Variants in UGT8 observed in about 807,000 individuals in gnomAD.
The protein encoded by UGT8 is 2-hydroxyacylsphingosine 1-beta-galactosyltransferase.
A neutral mutation model predicts 40.5 loss-of-function variants in UGT8; 12 were observed. That is an observed-to-expected ratio of 0.30 (90% CI 0.19 to 0.48). The LOEUF is 0.48. Ranked by LOEUF, UGT8 falls within the 20% of genes least tolerant of loss-of-function variation. The pLI, the probability that UGT8 is intolerant of heterozygous loss-of-function variation, is 0.99. For synonymous variants in UGT8, 224 were observed against 240.4 expected (o/e 0.93, Z 0.63); for missense variants, 513 against 648.7 (o/e 0.79, Z 2.27).
intron 2 of UGT8, among the ~76,000 whole-genome samples, chr4:114,629,027 G>T (rs747258866): frequency 6.6e-6 from 1 of 151,976 alleles, no homozygotes; most frequent in Non-Finnish European, 1.5e-5. Flanking sequence ...ATTGAAAGCT[G>T]GTTTCACCAT....
intron 1 of UGT8, among the ~76,000 whole-genome samples, chr4:114,616,300 C>T (rs568638508): frequency 8.5e-5 from 13 of 152,296 alleles, no homozygotes; most frequent in South Asian, 4.2e-4. Context: ...TCGGCAGTGG[C>T]GGGCGCCCCT....
intron 2 of UGT8, among the ~76,000 whole-genome samples, chr4:114,626,026 C>T (rs1178257507): frequency 6.6e-6 from 1 of 152,048 alleles, no homozygotes; most frequent in Non-Finnish European, 1.5e-5. Context: ...AGTATGTGGA[C>T]ATAGATAAGT....
chr4:114,655,319 T>G (rs556092492), intron 2 of UGT8, among the ~76,000 whole-genome samples: 1 of 152,148 alleles, frequency 6.6e-6, no homozygotes, highest in East Asian at 1.9e-4. Context: ...TTGCAGACCA[T>G]GGATGCATCT....
Position 114,677,413 on chromosome 4 carries a change from G to T in UGT8, c.*1125G>T, listed in dbSNP as rs1735725256. The T allele has an allele frequency of 1.3e-5, 2 of 152,268 alleles. No individual in the cohort carries two copies. Among genetic ancestry groups the T allele is most frequent in the South Asian group, 4.2e-4 (2 of 4,814 alleles). 9.4% of individuals were successfully genotyped at this position (152,268 alleles called of 1,614,324 possible). Reference sequence around the variant, plus strand: ...GTACCTGCTTTTTCTGGAGAGGTTTGAGATCTTGTTAACAAATCAGACTTT... The same window carrying T: ...GTACCTGCTTTTTCTGGAGAGGTTTTAGATCTTGTTAACAAATCAGACTTT... On this transcript the variant is annotated 3_prime_UTR_variant, in exon 6 of 6. Transcript: ENST00000310836.
intron 2 of UGT8, among the ~76,000 whole-genome samples, chr4:114,638,547 T>C (rs921720057): frequency 1.3e-5 from 2 of 152,178 alleles, no homozygotes; most frequent in Non-Finnish European, 2.9e-5. Flanking sequence ...TCCTTGCTCA[T>C]TTCATTTCTT....
intron 5 of UGT8, among the ~76,000 whole-genome samples, chr4:114,669,874 T>C (rs918395261): frequency 3.3e-5 from 5 of 152,306 alleles, no homozygotes; most frequent in East Asian, 1.9e-4. Flanking sequence ...ATGCCAGTGA[T>C]TTGTGTAGCA....
chr4:114,674,058 T>A (rs2126140720), intron 5 of UGT8, among the ~76,000 whole-genome samples: 1 of 152,314 alleles, frequency 6.6e-6, no homozygotes, highest in Admixed American at 6.5e-5. Flanking sequence ...TGCCTCTCAA[T>A]TTTTTTGCAT....
chr4:114,648,686 G>A (rs1733726974), intron 2 of UGT8, among the ~76,000 whole-genome samples: 1 of 152,104 alleles, frequency 6.6e-6, no homozygotes, highest in South Asian at 2.1e-4. Context: ...ACTACAAAGT[G>A]TTTACCAGTT....
chr4:114,646,752 A>G (rs1332732296), intron 2 of UGT8, among the ~76,000 whole-genome samples: 3 of 152,204 alleles, frequency 2.0e-5, no homozygotes, highest in African/African-American at 4.8e-5. Context: ...CTAATAATTC[A>G]TGATTATGAT....
At chr4:114,601,796 G>T (rs1730457370) in intron 1 of UGT8, among the ~76,000 whole-genome samples, 2 of 151,642 alleles carry the variant, frequency 1.3e-5, no homozygotes, top group South Asian at 4.2e-4. Context: ...TGAAATACTA[G>T]AATAGAGACA....
chr4:114,634,577 AT>A (rs143518716), intron 2 of UGT8, among the ~76,000 whole-genome samples: 5,175 of 152,276 alleles, frequency 0.034, 229 homozygotes, highest in East Asian at 0.13. Context: ...TTAGTTGGGT[AT>A]GTATACCTGT....
At chr4:114,622,852 T>G (rs761251118) in intron 1 of UGT8, 27 bp from the exon 2 acceptor site, 6 of 1,566,370 alleles carry the variant, frequency 3.8e-6, no homozygotes, top group Non-Finnish European at 5.2e-6. Context: ...TATTTTGTTT[T>G]AAGTTGTTTT....
rs538362391 is a variant in UGT8 at position 114,664,206 on chromosome 4, C to T, written c.965+69C>T. The T allele has an allele frequency of 6.5e-6, 10 of 1,532,716 alleles. No homozygotes were observed. The African/African-American group carries it at 1.1e-4, about 17-fold the overall frequency. 94.9% of individuals were successfully genotyped at this position (1,532,716 alleles called of 1,614,324 possible). The stretch of plus-strand genomic sequence containing the variant: ...TATCTCCTTGTTTAGTGCACAGGTC[C>T]CAGTAAAGCACAGCACATTGTTTCC... On this transcript the variant is annotated intron_variant, in intron 3 of 5. Coordinates refer to ENST00000310836, the MANE Select transcript of UGT8 (RefSeq NM_001128174.3).
At chr4:114,635,229 T>A (rs1031546829) in intron 2 of UGT8, among the ~76,000 whole-genome samples, 29 of 152,052 alleles carry the variant, frequency 1.9e-4, no homozygotes, top group African/African-American at 6.8e-4. Flanking sequence ...CACGCACTTG[T>A]AATACCAGCT....
At chr4:114,603,193 G>A (rs1730538927) in intron 1 of UGT8, among the ~76,000 whole-genome samples, 1 of 152,176 alleles carries the variant, frequency 6.6e-6, no homozygotes, top group Non-Finnish European at 1.5e-5. Flanking sequence ...GAGCAAGAGT[G>A]ATAGAGTTCA....
At chr4:114,658,154 A>G (rs543259314) in intron 2 of UGT8, among the ~76,000 whole-genome samples, 1 of 152,252 alleles carries the variant, frequency 6.6e-6, no homozygotes, top group East Asian at 1.9e-4. Context: ...TTACCTACTA[A>G]ATTTTGCAGA....
At chr4:114,661,553 C>G (rs1349915971) in intron 2 of UGT8, among the ~76,000 whole-genome samples, 1 of 152,162 alleles carries the variant, frequency 6.6e-6, no homozygotes, top group South Asian at 2.1e-4. Flanking sequence ...CCAGAACCAC[C>G]TGCTTGTCAA....
intron 2 of UGT8, among the ~76,000 whole-genome samples, chr4:114,633,899 GC>G (rs1421637571): frequency 1.3e-5 from 2 of 151,968 alleles, no homozygotes; most frequent in Admixed American, 1.3e-4. Context: ...AGCCCAGATG[GC>G]GCCACTGCAC....
intron 1 of UGT8, among the ~76,000 whole-genome samples, chr4:114,616,721 C>T (rs1039363866): frequency 6.6e-6 from 1 of 152,122 alleles, no homozygotes; most frequent in Non-Finnish European, 1.5e-5. Context: ...TGGAGCTGTT[C>T]CTATTCGGCC....
Sources: allele counts gnomAD v4.1 joint callset (sites outside exome capture counted in the v4.1 genomes callset), GRCh38; gene constraint gnomAD v4.1.1; transcripts MANE v1.5; gene names NCBI Gene and HGNC (gene_info 2026-07-23, HGNC 2026-07-21).